Variants in NR6A1 observed in about 807,000 individuals in gnomAD.
NR6A1 encodes the protein retinoic acid receptor-related testis-associated receptor.
A neutral mutation model predicts 59.1 loss-of-function variants in NR6A1; 7 were observed. The observed-to-expected ratio is 0.12, with a 90% CI of 0.07 to 0.22. The LOEUF (loss-of-function observed/expected upper bound fraction) is 0.22, where lower values mean the gene tolerates loss of function less well. Among genes scored for constraint, NR6A1 ranks in the 10% least tolerant of loss-of-function variants. NR6A1 has a pLI of 1.00. For missense variants in NR6A1, 468 were observed against 611.6 expected, an observed-to-expected ratio of 0.77 and a Z score of 2.48; for synonymous variants, 243 against 236.1, an observed-to-expected ratio of 1.03 and a Z score of -0.27.
intron 1 of NR6A1, among the ~76,000 whole-genome samples, chr9:124,758,138 G>A (rs1450793469): frequency 6.6e-6 from 1 of 151,338 alleles, no homozygotes; most frequent in Non-Finnish European, 1.5e-5. Context: ...TTGTGGGAAA[G>A]CAATTGTATT....
chr9:124,612,805 C>CTTTCTTTCTTTCTTTCTTTCT (rs1452611569), intron 2 of NR6A1, among the ~76,000 whole-genome samples: 1 of 145,184 alleles, frequency 6.9e-6, no homozygotes, highest in East Asian at 1.9e-4. Flanking sequence ...TTCTTTCTTT[C>CTTTCTTTCTTTCTTTCTTTCT]TTTCTTTCTT....
intron 2 of NR6A1, among the ~76,000 whole-genome samples, chr9:124,621,636 A>G (rs1836080287): frequency 6.6e-6 from 1 of 152,124 alleles, no homozygotes; most frequent in African/African-American, 2.4e-5. Flanking sequence ...CCTGGGTGAC[A>G]GAGTAAGACC....
chr9:124,539,413 C>T (rs1833377808), intron 5 of NR6A1, among the ~76,000 whole-genome samples: 2 of 152,070 alleles, frequency 1.3e-5, no homozygotes, highest in South Asian at 2.1e-4. Context: ...CCATTAGGCC[C>T]GGAAAGCTGA....
chr9:124,727,401 G>A (rs1402030667), intron 2 of NR6A1, among the ~76,000 whole-genome samples: 1 of 152,100 alleles, frequency 6.6e-6, no homozygotes, highest in Non-Finnish European at 1.5e-5. Flanking sequence ...TAATAATTCT[G>A]TACTTGAATT....
intron 1 of NR6A1, among the ~76,000 whole-genome samples, chr9:124,733,738 A>G (rs1210650811): frequency 6.6e-6 from 1 of 152,252 alleles, no homozygotes; most frequent in East Asian, 1.9e-4. Context: ...TCTATTTAAC[A>G]CTGCTAATTC....
At chr9:124,720,081 CTT>C (rs1302268417) in intron 2 of NR6A1, among the ~76,000 whole-genome samples, 5 of 152,042 alleles carry the variant, frequency 3.3e-5, no homozygotes, top group African/African-American at 7.2e-5. Flanking sequence ...CAGTTTTGCT[CTT>C]GTCACCCAGG....
chr9:124,521,223 C>T lies in NR6A1; in HGVS notation c.*1482G>A, dbSNP rs12686375. ...GAGTTCAAAGACAGACCTGGTGTAG[C>T]GCTGGCCAAAGTCAAGAGGGTAAGG... On this transcript the variant is annotated 3_prime_UTR_variant, in exon 10 of 10. Coordinates refer to ENST00000487099, the MANE Select transcript of NR6A1 (RefSeq NM_033334.4). 0.051 allele frequency: 7,828 copies of T among 152,556 alleles called. 607 individuals are homozygous for T. Among genetic ancestry groups the T allele is most frequent in the African/African-American group, 0.16 (6,791 of 41,536 alleles). 9.5% of individuals were successfully genotyped at this position (152,556 alleles called of 1,614,324 possible).
chr9:124,703,526 A>G (rs1336569274), intron 2 of NR6A1, among the ~76,000 whole-genome samples: 3 of 151,894 alleles, frequency 2.0e-5, no homozygotes, highest in African/African-American at 7.3e-5. Flanking sequence ...CTTTTAGTGG[A>G]ATGTTTGTCG....
At chr9:124,675,844 T>A (rs1406963628) in intron 2 of NR6A1, among the ~76,000 whole-genome samples, 1 of 152,174 alleles carries the variant, frequency 6.6e-6, no homozygotes, top group Admixed American at 6.5e-5. Flanking sequence ...CCAGAACATC[T>A]GGATTTGCTC....
chr9:124,752,864 T>G (rs1462381736), intron 1 of NR6A1, among the ~76,000 whole-genome samples: 1 of 151,220 alleles, frequency 6.6e-6, no homozygotes, highest in Admixed American at 6.6e-5. Context: ...TCTACACTAC[T>G]CTGGAGTTAG....
chr9:124,719,391 T>A (rs544395842), intron 2 of NR6A1, among the ~76,000 whole-genome samples: 2 of 152,208 alleles, frequency 1.3e-5, no homozygotes, highest in Non-Finnish European at 2.9e-5. Context: ...TTAAATTTTA[T>A]ATTTTTAAAT....
chr9:124,655,266 G>C (rs556996296), intron 2 of NR6A1, among the ~76,000 whole-genome samples: 150 of 152,180 alleles, frequency 9.9e-4, no homozygotes, highest in Non-Finnish European at 5.6e-4. Flanking sequence ...TAACATAATG[G>C]CTCTTGAGTC....
chr9:124,730,267 T>G (rs974658099), intron 2 of NR6A1, among the ~76,000 whole-genome samples: 1 of 152,204 alleles, frequency 6.6e-6, no homozygotes, highest in African/African-American at 2.4e-5. Context: ...TCTTGCTCTG[T>G]GTCACCTAGG....
At chr9:124,623,330 T>C (rs4076333) in intron 2 of NR6A1, among the ~76,000 whole-genome samples, 94,395 of 151,772 alleles carry the variant, frequency 0.62, 30,845 homozygotes, top group African/African-American at 0.83. Context: ...GAGAGGATAG[T>C]GTATGTCTCA....
chr9:124,636,984 G>C (rs1414255844), intron 2 of NR6A1, among the ~76,000 whole-genome samples: 1 of 152,112 alleles, frequency 6.6e-6, no homozygotes, highest in Non-Finnish European at 1.5e-5. Context: ...AGAATCTGGA[G>C]GGAGACAGAT....
chr9:124,748,191 T>C (rs1246780879), intron 1 of NR6A1, among the ~76,000 whole-genome samples: 3 of 152,178 alleles, frequency 2.0e-5, no homozygotes, highest in Non-Finnish European at 4.4e-5. Context: ...TAATAAGCCA[T>C]TTGTATAAGG....
chr9:124,771,116 C>T lies in NR6A1; in HGVS notation c.4G>A (p.Glu2Lys). 8.1e-7 allele frequency: 1 copy of T among 1,229,098 alleles called. No homozygotes were observed. The highest frequency in any genetic ancestry group is 1.0e-6 in the Non-Finnish European group (1 of 985,458). The allele number at this position is 1,229,098 out of a possible 1,614,324, so 76.1% of individuals were successfully genotyped here. Residue 2 changes from glutamate to lysine, a missense_variant, in exon 1 of 10, where the codon GAG (glutamate) becomes AAG (lysine). Physicochemically the swap from Glu to Lys is moderately conservative, Grantham distance 56 (BLOSUM62 1). Coordinates refer to ENST00000487099, the MANE Select transcript of NR6A1 (RefSeq NM_033334.4). Reference sequence around the variant, plus strand: ...CCGCTAGGCGGCGGTTCGTCCCGCTCCATGCGGTGGTGCCTAGGGTCCGCG... The same window carrying T: ...CCGCTAGGCGGCGGTTCGTCCCGCTTCATGCGGTGGTGCCTAGGGTCCGCG... M[E>K]RDEPPPSGGG...
At chr9:124,725,128 G>C (rs191854277) in intron 2 of NR6A1, among the ~76,000 whole-genome samples, 284 of 152,286 alleles carry the variant, frequency 1.9e-3, no homozygotes, top group African/African-American at 6.2e-3. Flanking sequence ...TCGGGGAGCA[G>C]GGCAGACAGG....
intron 2 of NR6A1, among the ~76,000 whole-genome samples, chr9:124,642,381 G>C (rs1336392903): frequency 1.3e-5 from 2 of 152,138 alleles, no homozygotes; most frequent in Non-Finnish European, 2.9e-5. Context: ...CTATAAAATG[G>C]GGATGGTAAG....
Sources: allele counts gnomAD v4.1 joint callset (sites outside exome capture counted in the v4.1 genomes callset), GRCh38; gene constraint gnomAD v4.1.1; transcripts MANE v1.5; gene names NCBI Gene and HGNC (gene_info 2026-07-23, HGNC 2026-07-21).